Variants in NHSL1 observed in about 807,000 individuals in gnomAD.
NHSL1 encodes the protein NHS-like protein 1.
In NHSL1, 48 loss-of-function variants were observed where a neutral mutation model predicts 95.0. That is an observed-to-expected ratio of 0.51 (90% CI 0.40 to 0.64). The LOEUF (loss-of-function observed/expected upper bound fraction) is 0.64, where lower values mean the gene tolerates loss of function less well. Among genes scored for constraint, NHSL1 ranks in the 30% least tolerant of loss-of-function variants. The pLI is 0.00. For missense variants in NHSL1, 1,971 were observed against 2,077.7 expected (o/e 0.95, Z 1.00); for synonymous variants, 783 against 833.9 (o/e 0.94, Z 1.05).
chr6:138,541,663 A>G (rs1262999288), intron 1 of NHSL1, among the ~76,000 whole-genome samples: 1 of 152,244 alleles, frequency 6.6e-6, no homozygotes, highest in South Asian at 2.1e-4. Context: ...AGTTGACTGC[A>G]GTGAACTAAG....
rs1562270284 is a variant in NHSL1 at position 138,437,357 on chromosome 6, CACATATATATATAT to C, written c.665-3691_665-3678del. Among the ~76,000 whole-genome samples, 8 of 17,544 alleles carry C rather than the reference CACATATATATATAT, an allele frequency of 4.6e-4. 1 individual carries two copies. The highest frequency in any genetic ancestry group is 1.8e-3 in the Admixed American group (3 of 1,658). 11.5% of individuals were successfully genotyped at this position (17,544 alleles called of 152,430 possible). A position where few individuals can be genotyped will look rare whatever the true frequency, so the allele number is the denominator to read the frequency against. On this transcript the variant is annotated intron_variant, in intron 5 of 7. Coordinates refer to ENST00000343505, the MANE Select transcript of NHSL1 (RefSeq NM_001144060.2). ...ATATATATATACACATATATATATA[CACATATATATATAT>C]ACACATATATATATACACATATATA...
At chr6:138,458,820 A>C (rs59495816) in intron 3 of NHSL1, among the ~76,000 whole-genome samples, 30,625 of 135,574 alleles carry the variant, frequency 0.23, 4,275 homozygotes, top group African/African-American at 0.43. Flanking sequence ...GTACGTGAAA[A>C]TCTGTCTCAA....
chr6:138,471,979 GACC>G (rs60353287), intron 3 of NHSL1, among the ~76,000 whole-genome samples: 31,927 of 151,816 alleles, frequency 0.21, 3,645 homozygotes, highest in Admixed American at 0.34. Context: ...AGGAATTCAA[GACC>G]ACCAGCCCAG....
intron 1 of NHSL1, among the ~76,000 whole-genome samples, chr6:138,670,780 CA>C (rs1785358099): frequency 6.7e-6 from 1 of 149,706 alleles, no homozygotes; most frequent in African/African-American, 2.5e-5. Flanking sequence ...ACAAGAACAA[CA>C]AAACAAGCTC....
At chr6:138,483,782 T>C (rs975956078) in intron 2 of NHSL1, among the ~76,000 whole-genome samples, 1 of 152,232 alleles carries the variant, frequency 6.6e-6, no homozygotes, top group African/African-American at 2.4e-5. Context: ...TTCTAAGCCC[T>C]ACATGATATG....
rs186714767 is a variant in NHSL1, at chr6:138,667,416, A to G, written c.96+25060T>C. Among the ~76,000 whole-genome samples, 157 of 152,352 alleles carry G rather than the reference A, an allele frequency of 1.0e-3. 1 individual carries two copies. The highest frequency in any genetic ancestry group is 3.6e-3 in the African/African-American group (148 of 41,578). On this transcript the variant is annotated intron_variant, in intron 1 of 3. Transcript: ENST00000491526. Reference sequence around the variant, plus strand: ...TTGGATTTTTATACATGATACCATAATCTGAGACAATGCAAAATTCATGTC... The same window carrying G: ...TTGGATTTTTATACATGATACCATAGTCTGAGACAATGCAAAATTCATGTC...
At chr6:138,548,889 C>T (rs555673015), upstream of NHSL1, among the ~76,000 whole-genome samples, 62 of 150,728 alleles carry the variant, frequency 4.1e-4, no homozygotes, top group African/African-American at 1.4e-3. Context: ...CTACTGCCAT[C>T]TCATTAAGCT....
chr6:138,447,125 A>C lies in NHSL1; in HGVS notation c.408T>G (p.Ser136Arg). The change falls in exon 4 of 8, where the codon AGT becomes AGG. Residue 136 changes from serine (S) to arginine (R), a missense_variant. Ser to Arg is a moderately radical substitution (Grantham distance 110). Coordinates refer to ENST00000343505, the MANE Select transcript of NHSL1 (RefSeq NM_001144060.2). ...TCTGAGTATTAAGGTCGGAGAAGTC[A>C]CTTGAGGCTGGTGTTTTAGGTCTCC... ...SIRRPKTPAS[S>R]DFSDLNTQTN... The C allele has an allele frequency of 6.4e-7, 1 of 1,551,820 alleles. No homozygotes were observed. Among genetic ancestry groups the C allele is most frequent in the Non-Finnish European group, 8.7e-7 (1 of 1,146,998 alleles).
rs1200977280 is a variant in NHSL1 at position 138,692,237 on chromosome 6, T to A, written c.96+239A>T. 2 of 454,080 alleles carry A rather than the reference T, an allele frequency of 4.4e-6. No homozygotes were observed. Among genetic ancestry groups the A allele is most frequent in the Admixed American group, 4.7e-5 (2 of 42,450 alleles). The allele number at this position is 454,080 out of a possible 1,614,324, so 28.1% of individuals were successfully genotyped here. ...CAAGGGGACTGTCCAATTCCCACCC[T>A]CCGCGCCCACTCTCTCGAGGTAGCC... On this transcript the variant is annotated intron_variant, in intron 1 of 3. Coordinates refer to the NHSL1 transcript ENST00000491526. The surrounding 1 kb of genome is among the most constrained non-coding windows in gnomAD (Gnocchi z 4.0).
At chr6:138,620,353 C>A (rs1784639371) in intron 1 of NHSL1, among the ~76,000 whole-genome samples, 1 of 152,080 alleles carries the variant, frequency 6.6e-6, no homozygotes, top group African/African-American at 2.4e-5. Flanking sequence ...GAAACTCAGG[C>A]CTTCCCCAAA....
At chr6:138,640,341 C>A (rs1174743922) in intron 1 of NHSL1, among the ~76,000 whole-genome samples, 1 of 152,146 alleles carries the variant, frequency 6.6e-6, no homozygotes, top group East Asian at 1.9e-4. Context: ...TCAGCATTTT[C>A]ACAGCACCTA....
Position 138,473,440 on chromosome 6 carries a change from AG to A in NHSL1, c.212-8del, listed in dbSNP as rs1376626423. On this transcript the variant is annotated splice_polypyrimidine_tract_variant and splice_region_variant and intron_variant, in intron 2 of 7. Coordinates refer to ENST00000343505, the MANE Select transcript of NHSL1 (RefSeq NM_001144060.2). ...TGCCGCAACTTATCGCATTCTGCAG[AG>A]GGGCACGCAGGGAGGGGAAGGAGGC... 3 of 1,431,480 alleles carry A rather than the reference AG, an allele frequency of 2.1e-6. No homozygotes were observed. The highest frequency in any genetic ancestry group is 3.2e-5 in the South Asian group (2 of 63,048). The allele number at this position is 1,431,480 out of a possible 1,614,324, so 88.7% of individuals were successfully genotyped here. A position where few individuals can be genotyped will look rare whatever the true frequency, so the allele number is the denominator to read the frequency against.
chr6:138,504,103 T>C (rs1425855006), upstream of NHSL1, among the ~76,000 whole-genome samples: 1 of 151,948 alleles, frequency 6.6e-6, no homozygotes, highest in African/African-American at 2.4e-5. Flanking sequence ...GGTGTGGTGG[T>C]TCATGCCTGT....
intron 2 of NHSL1, among the ~76,000 whole-genome samples, chr6:138,475,937 TG>T (rs1435880054): frequency 1.3e-5 from 2 of 152,186 alleles, no homozygotes; most frequent in African/African-American, 4.8e-5. Context: ...CACTCCAGCC[TG>T]GGCAACAGAG....
chr6:138,480,809 C>T (rs1309583272), intron 2 of NHSL1, among the ~76,000 whole-genome samples: 2 of 152,066 alleles, frequency 1.3e-5, no homozygotes, highest in Non-Finnish European at 2.9e-5. Flanking sequence ...AATCTTTTTT[C>T]GGATGACTGA....
chr6:138,525,068 T>C (rs942280225), intron 1 of NHSL1, among the ~76,000 whole-genome samples: 1 of 152,160 alleles, frequency 6.6e-6, no homozygotes, highest in Admixed American at 6.5e-5. Context: ...ACCATGGACA[T>C]TTCTAGTCCT....
At chr6:138,522,435 A>G (rs538091847) in intron 1 of NHSL1, among the ~76,000 whole-genome samples, 3 of 152,346 alleles carry the variant, frequency 2.0e-5, no homozygotes, top group Admixed American at 6.5e-5. Flanking sequence ...TAAGGTCAGC[A>G]GTTCAAGACC....
At chr6:138,579,950 T>C (rs1222364041) in intron 1 of NHSL1, among the ~76,000 whole-genome samples, 1 of 152,196 alleles carries the variant, frequency 6.6e-6, no homozygotes, top group Non-Finnish European at 1.5e-5. Flanking sequence ...GCTAAATATA[T>C]GTGACACATT....
upstream of NHSL1, among the ~76,000 whole-genome samples, chr6:138,575,179 A>T (rs181630060): frequency 2.0e-5 from 3 of 152,156 alleles, no homozygotes; most frequent in Admixed American, 2.0e-4. Context: ...GATTACAGAC[A>T]TGAGCCACCG....
Sources: gnomAD v4.1 joint callset for allele counts (sites outside exome capture counted in the v4.1 genomes callset) on GRCh38, gnomAD v4.1.1 for gene constraint, Gnocchi (gnomAD v3.1) non-coding constraint, MANE v1.5 for transcripts, NCBI Gene and HGNC (gene_info 2026-07-23, HGNC 2026-07-21) for gene names.